Variants in PRKN observed in about 807,000 individuals in gnomAD.
The protein encoded by PRKN is E3 ubiquitin-protein ligase parkin.
Under a neutral mutation model 59.5 loss-of-function variants are expected in PRKN, and 56 were observed. The observed-to-expected ratio is 0.94, with a 90% CI of 0.76 to 1.18. PRKN has a LOEUF of 1.18. Ranked by LOEUF, PRKN falls within the 50% of genes most tolerant of loss-of-function variation. The pLI is 0.00. For synonymous variants in PRKN, 250 were observed against 222.1 expected (o/e 1.13, Z -1.12); for missense variants, 657 against 596.4 (o/e 1.10, Z -1.06).
At chr6:162,720,075 C>T (rs552314756) in intron 1 of PRKN, among the ~76,000 whole-genome samples, 3 of 152,228 alleles carry the variant, frequency 2.0e-5, no homozygotes, top group Non-Finnish European at 4.4e-5. Flanking sequence ...AAAATGACTA[C>T]GCAGTTACAG....
At chr6:161,553,104 C>T (rs896990797) in intron 8 of PRKN, among the ~76,000 whole-genome samples, 1 of 152,186 alleles carries the variant, frequency 6.6e-6, no homozygotes, top group African/African-American at 2.4e-5. Context: ...TTTCTAAACA[C>T]TACAGTTCAT....
intron 1 of PRKN, among the ~76,000 whole-genome samples, chr6:162,705,135 T>C (rs543274684): frequency 8.5e-5 from 13 of 152,276 alleles, no homozygotes; most frequent in African/African-American, 3.1e-4. Context: ...AACTTTCCAA[T>C]ATCTATGATG....
At chr6:162,437,390 C>T (rs1454882027) in intron 2 of PRKN, among the ~76,000 whole-genome samples, 1 of 152,228 alleles carries the variant, frequency 6.6e-6, no homozygotes, top group Non-Finnish European at 1.5e-5. Context: ...AATGCTTACA[C>T]ATTCTAACGC....
chr6:161,939,860 G>A (rs1562404044), intron 6 of PRKN, among the ~76,000 whole-genome samples: 1 of 151,760 alleles, frequency 6.6e-6, no homozygotes, highest in Non-Finnish European at 1.5e-5. Context: ...TTAATAAACA[G>A]TTTTCTTAGG....
At chr6:161,719,030 T>C (rs1787108750) in intron 7 of PRKN, among the ~76,000 whole-genome samples, 1 of 152,204 alleles carries the variant, frequency 6.6e-6, no homozygotes, top group African/African-American at 2.4e-5. Flanking sequence ...ACAAAGACTT[T>C]CTTATTTGCT....
chr6:161,400,396 C>G lies in PRKN; in HGVS notation c.1084-13519G>C, dbSNP rs752685148. 5.3e-5 allele frequency among the ~76,000 whole-genome samples: 8 copies of G among 151,954 alleles called. No individual in the cohort carries two copies. The highest frequency in any genetic ancestry group is 7.4e-5 in the Non-Finnish European group (5 of 68,020). Reference sequence around the variant, plus strand: ...GATCTCCGCTCACTGCAACCTGTACCTCCCAGGTTCAAGCAATTCTCCTGC... The same window carrying G: ...GATCTCCGCTCACTGCAACCTGTACGTCCCAGGTTCAAGCAATTCTCCTGC... On this transcript the variant is annotated intron_variant, in intron 9 of 11. Transcript: ENST00000366898. The surrounding 1 kb of genome is among the most constrained non-coding windows in gnomAD (Gnocchi z 4.2).
intron 7 of PRKN, among the ~76,000 whole-genome samples, chr6:161,660,469 AG>A (rs1359357366): frequency 7.9e-5 from 12 of 152,222 alleles, no homozygotes; most frequent in African/African-American, 2.9e-4. Flanking sequence ...AAAAACTAAA[AG>A]GTCATTTCTG....
In PRKN at chr6:161,409,325, A is replaced by C. The variant is rs187128528; in HGVS notation, c.1084-22448T>G. Among the ~76,000 whole-genome samples the C allele has an allele frequency of 1.3e-5, 2 of 152,234 alleles. No individual in the cohort carries two copies. The highest frequency in any genetic ancestry group is 2.1e-4 in the South Asian group (1 of 4,838). ...AAGCATTTTGGACAGAAAATCTCTG[A>C]GACGATGACAGCATTGTGTGTTCTC... is the stretch of plus-strand genomic sequence containing the variant. On this transcript the variant is annotated intron_variant, in intron 9 of 11. Transcript: ENST00000366898. This position sits in a 1 kb window ranked among gnomAD's most constrained non-coding sequence, Gnocchi z 4.6.
At chr6:162,403,358 G>A (rs1210667252) in intron 2 of PRKN, among the ~76,000 whole-genome samples, 5 of 151,994 alleles carry the variant, frequency 3.3e-5, no homozygotes, top group South Asian at 2.1e-4. Context: ...CCCGGGCTGC[G>A]TCTTTACTCA....
chr6:161,736,250 C>T (rs1286365977), intron 7 of PRKN, among the ~76,000 whole-genome samples: 1 of 152,228 alleles, frequency 6.6e-6, no homozygotes, highest in Non-Finnish European at 1.5e-5. Flanking sequence ...TTTTGAATAA[C>T]ACAGACTTCT....
intron 7 of PRKN, among the ~76,000 whole-genome samples, chr6:161,629,480 G>A (rs1023462800): frequency 3.9e-5 from 6 of 151,960 alleles, no homozygotes; most frequent in South Asian, 2.1e-4. Flanking sequence ...ATCAGTCACC[G>A]TTTAACAGGC....
In PRKN at chr6:161,548,622, TAAGCAACCA is replaced by T. The variant is rs1779877342; in HGVS notation, c.1083+223_1083+231del. The T allele has an allele frequency of 1.9e-6, 1 of 534,168 alleles. No individual in the cohort carries two copies. The highest frequency in any genetic ancestry group is 2.6e-5 in the South Asian group (1 of 39,200). 33.1% of individuals were successfully genotyped at this position (534,168 alleles called of 1,614,324 possible). ...CAGCATCTTAAAGTAAATACTTCCA[TAAGCAACCA>T]AAGCAGAAAATCTTCATATAACTGT... On this transcript the variant is annotated intron_variant, in intron 9 of 11. Transcript: ENST00000366898. The surrounding 1 kb of genome is among the most constrained non-coding windows in gnomAD (Gnocchi z 4.2).
At chr6:162,681,608 T>C (rs1201223107) in intron 1 of PRKN, among the ~76,000 whole-genome samples, 19 of 152,136 alleles carry the variant, frequency 1.2e-4, no homozygotes, top group Admixed American at 1.2e-3. Context: ...ATCAAAATGA[T>C]TGTGGGCCAA....
intron 1 of PRKN, among the ~76,000 whole-genome samples, chr6:162,663,362 G>T (rs184400861): frequency 1.3e-5 from 2 of 151,394 alleles, no homozygotes; most frequent in Non-Finnish European, 2.9e-5. Flanking sequence ...GTGGGGATGA[G>T]CACGTAAGGG....
Position 161,538,768 on chromosome 6 carries a change from A to G in PRKN, c.1083+10086T>C, listed in dbSNP as rs1377292335. 6.6e-6 allele frequency among the ~76,000 whole-genome samples: 1 copy of G among 152,086 alleles called. No individual in the cohort carries two copies. Among genetic ancestry groups the G allele is most frequent in the African/African-American group, 2.4e-5 (1 of 41,410 alleles). On this transcript the variant is annotated intron_variant, in intron 9 of 11. Transcript: ENST00000366898. This position sits in a 1 kb window ranked among gnomAD's most constrained non-coding sequence, Gnocchi z 4.2. ...GTCTTTACCCAAGAAAAGCCCTATT[A>G]CCTCCCAGGAGCTTGTAGAGAGATT...
At chr6:161,689,774 G>A (rs6930628) in intron 7 of PRKN, among the ~76,000 whole-genome samples, 8,221 of 151,990 alleles carry the variant, frequency 0.054, 370 homozygotes, top group African/African-American at 0.12. Context: ...ACAGTGGCGC[G>A]ATCTTGGCTC....
chr6:162,306,665 T>C (rs1198920415), intron 2 of PRKN, among the ~76,000 whole-genome samples: 2 of 152,214 alleles, frequency 1.3e-5, no homozygotes, highest in Non-Finnish European at 2.9e-5. Context: ...GCAACTACTA[T>C]GTGTCCGGTA....
At chr6:162,141,246 G>A (rs554349139) in intron 4 of PRKN, among the ~76,000 whole-genome samples, 1 of 152,082 alleles carries the variant, frequency 6.6e-6, no homozygotes, top group Non-Finnish European at 1.5e-5. Context: ...TGACTTTCAT[G>A]CAACTTCCCC....
At chr6:162,661,522 G>A (rs974897239) in intron 1 of PRKN, among the ~76,000 whole-genome samples, 1 of 152,138 alleles carries the variant, frequency 6.6e-6, no homozygotes, top group African/African-American at 2.4e-5. Context: ...GGGAGACCTG[G>A]CGGTGGCCTT....
Sources: gnomAD v4.1 joint callset for allele counts (sites outside exome capture counted in the v4.1 genomes callset) on GRCh38, gnomAD v4.1.1 for gene constraint, Gnocchi (gnomAD v3.1) non-coding constraint, MANE v1.5 for transcripts, NCBI Gene and HGNC (gene_info 2026-07-23, HGNC 2026-07-21) for gene names.